Variants in RPS19BP1 observed in about 807,000 individuals in gnomAD.
RPS19BP1 encodes the protein active regulator of SIRT1.
A neutral mutation model predicts 16.6 loss-of-function variants in RPS19BP1; 14 were observed. The ratio of observed to expected loss-of-function variants is 0.84; its 90% CI spans 0.56 to 1.32. The LOEUF (loss-of-function observed/expected upper bound fraction) is 1.32, where lower values mean the gene tolerates loss of function less well. Among genes scored for constraint, RPS19BP1 ranks in the 40% most tolerant of loss-of-function variants. The pLI, the probability that RPS19BP1 is intolerant of heterozygous loss-of-function variation, is 0.00. For synonymous variants in RPS19BP1, 90 were observed against 77.3 expected (o/e 1.16, Z -0.86); for missense variants, 188 against 178.6 (o/e 1.05, Z -0.30).
At chr22:39,530,083 A>G in intron 2 of RPS19BP1, 166 bp from the exon 3 acceptor site, 1 of 625,810 alleles carries the variant, frequency 1.6e-6, no homozygotes, top group Non-Finnish European at 2.8e-6. Context: ...TCCTGCTGAA[A>G]GCCCCAGGCT....
Position 39,532,256 on chromosome 22 carries a change from A to G in RPS19BP1, c.181+139T>C, listed in dbSNP as rs73885251. On this transcript the variant is annotated intron_variant, in intron 2 of 3. Coordinates refer to ENST00000334678, the MANE Select transcript of RPS19BP1 (RefSeq NM_194326.4). ...CGTGTTCTGTCACCTTCGTATGTCC[A>G]GGGCCCCGCTCCGCGCCTGGCACAC... 6,786 of 1,240,218 alleles carry G rather than the reference A, an allele frequency of 5.5e-3. 255 individuals are homozygous for G. In the African/African-American group the frequency reaches 0.086, roughly 16 times the overall value. The allele number at this position is 1,240,218 out of a possible 1,614,324, so 76.8% of individuals were successfully genotyped here. A position where few individuals can be genotyped will look rare whatever the true frequency, so the allele number is the denominator to read the frequency against.
At position 39,529,446 on chromosome 22, in the gene RPS19BP1, G is replaced by A. The variant is rs943608264; in HGVS notation, c.*46C>T. The A allele has an allele frequency of 6.2e-7, 1 of 1,608,746 alleles. No individual in the cohort carries two copies. The highest frequency in any genetic ancestry group is 1.3e-5 in the African/African-American group (1 of 74,766). On this transcript the variant is annotated 3_prime_UTR_variant, in exon 4 of 4. Coordinates refer to ENST00000334678, the MANE Select transcript of RPS19BP1 (RefSeq NM_194326.4). ...CGGTTCCTGGAGCCAGCAGGAGTCG[G>A]AGGCTGCAGGGCTTGAAGGCCTCTT...
In RPS19BP1 at chr22:39,529,937, A is replaced by G. The variant is rs1205634583; in HGVS notation, c.182-20T>C. ...ACTCGTCTGTGGGTAGCAGGCAGGG[A>G]GCACCATTTCAGATTCACTCCCCCT... On this transcript the variant is annotated intron_variant, in intron 2 of 3. Coordinates refer to ENST00000334678, the MANE Select transcript of RPS19BP1 (RefSeq NM_194326.4). 6.2e-7 allele frequency: 1 copy of G among 1,601,134 alleles called. No homozygotes were observed. Among genetic ancestry groups the G allele is most frequent in the Admixed American group, 1.7e-5 (1 of 59,994 alleles).
intron 2 of RPS19BP1, chr22:39,531,717 C>T (rs1435996079): frequency 6.6e-6 from 1 of 152,382 alleles, no homozygotes; most frequent in Admixed American, 6.5e-5. Flanking sequence ...AGACACAATG[C>T]CCGGGCAGCC....
intron 2 of RPS19BP1, chr22:39,530,320 C>T: frequency 4.2e-6 from 1 of 235,760 alleles, no homozygotes; most frequent in Non-Finnish European, 8.5e-6. Context: ...ACTGAAATGA[C>T]TCGAAGAGAG....
rs776618788 is a variant in RPS19BP1 at position 39,529,444 on chromosome 22, C to A, written c.*48G>T. The A allele has an allele frequency of 7.3e-5, 118 of 1,607,556 alleles. No individual in the cohort carries two copies. Among genetic ancestry groups the A allele is most frequent in the Non-Finnish European group, 9.9e-5 (116 of 1,177,312 alleles). Reference sequence around the variant, plus strand: ...GCCGGTTCCTGGAGCCAGCAGGAGTCGGAGGCTGCAGGGCTTGAAGGCCTC... The same window carrying A: ...GCCGGTTCCTGGAGCCAGCAGGAGTAGGAGGCTGCAGGGCTTGAAGGCCTC... On this transcript the variant is annotated 3_prime_UTR_variant, in exon 4 of 4. Coordinates refer to ENST00000334678, the MANE Select transcript of RPS19BP1 (RefSeq NM_194326.4).
Position 39,532,693 on chromosome 22 carries a change from A to G in RPS19BP1, c.46T>C (p.Ser16Pro), listed in dbSNP as rs1034541611. 1.3e-6 allele frequency: 2 copies of G among 1,543,454 alleles called. No homozygotes were observed. The highest frequency in any genetic ancestry group is 3.9e-5 in the Admixed American group (2 of 51,212). The change falls in exon 1 of 4, where the codon TCC becomes CCC. Residue 16 changes from serine (S) to proline (P), a missense_variant. Ser to Pro is a moderately conservative substitution (Grantham distance 74, BLOSUM62 -1). Transcript: ENST00000334678. ...CCTGGCCAGCCCTCCTCACCCTCGGACGCCGCCAGCAGCTCCAGGCCCCGC... is the reference window on the plus strand; with the variant it reads ...CCTGGCCAGCCCTCCTCACCCTCGGGCGCCGCCAGCAGCTCCAGGCCCCGC... ...LRRGLELLAA[S>P]EAPRDPPGQA...
chr22:39,531,785 T>C (rs1428815339), intron 2 of RPS19BP1: 1 of 152,440 alleles, frequency 6.6e-6, no homozygotes, highest in African/African-American at 2.4e-5. Context: ...ACGGGGGTGA[T>C]AGTAGTATCG....
At position 39,529,916 on chromosome 22, in the gene RPS19BP1, G is replaced by A. The variant is rs781482234; in HGVS notation, c.183C>T (p.Asp61=). ...CTCGACACTCTCGCTTCCGGTACTCGTCTGTGGGTAGCAGGCAGGGAGCAC... is the reference window on the plus strand; with the variant it reads ...CTCGACACTCTCGCTTCCGGTACTCATCTGTGGGTAGCAGGCAGGGAGCAC... ...AKGKVPKSAL[D]EYRKRECRDH... is the part of the protein sequence containing the mutation. Residue 61 remains aspartate (D), a splice_region_variant and synonymous_variant, in exon 3 of 4, where the codon GAC becomes GAT. Transcript: ENST00000334678. The A allele has an allele frequency of 3.7e-6, 6 of 1,613,228 alleles. No homozygotes were observed. The South Asian group carries it at 5.5e-5, about 15-fold the overall frequency.
In RPS19BP1 at chr22:39,529,634, T is replaced by C. The variant is rs771103013; in HGVS notation, c.280-11A>G. The C allele has an allele frequency of 1.1e-5, 18 of 1,613,182 alleles. No homozygotes were observed. The highest frequency in any genetic ancestry group is 1.0e-5 in the Non-Finnish European group (12 of 1,179,916). On this transcript the variant is annotated splice_polypyrimidine_tract_variant and intron_variant, in intron 3 of 3. Transcript: ENST00000334678. ...GTTCTGGCGCAAAATCTGGCGAGGG[T>C]GCGGGACCGAGGGCCCATCATTTCA...
rs896447193 is a variant in RPS19BP1 at position 39,529,884 on chromosome 22, A to T, written c.215T>A (p.Leu72His). The T allele has an allele frequency of 1.2e-6, 2 of 1,614,144 alleles. No homozygotes were observed. Among genetic ancestry groups the T allele is most frequent in the Non-Finnish European group, 8.5e-7 (1 of 1,180,014 alleles). Reference protein sequence around the residue: ...EYRKRECRDHLRVNLKFLTRT... With the variant: ...EYRKRECRDHHRVNLKFLTRT... ...GGTCAGAAACTTCAGGTTTACTCTGAGGTGGTCTCGACACTCTCGCTTCCG... is the reference window on the plus strand; with the variant it reads ...GGTCAGAAACTTCAGGTTTACTCTGTGGTGGTCTCGACACTCTCGCTTCCG... The change falls in exon 3 of 4, where the codon CTC becomes CAC. Residue 72 changes from leucine (L) to histidine (H), a missense_variant. By Grantham distance (99) the Leu-to-His change is moderately conservative. Transcript: ENST00000334678.
At chr22:39,532,195 C>A (rs1931328871) in intron 2 of RPS19BP1, 200 bp downstream of exon 2, 2 of 635,024 alleles carry the variant, frequency 3.1e-6, no homozygotes, top group South Asian at 2.0e-5. Context: ...CTTCTCTCCC[C>A]ACTAGGGCCG....
intron 2 of RPS19BP1, 196 bp downstream of exon 2, chr22:39,532,199 A>T: frequency 1.5e-6 from 1 of 645,370 alleles, no homozygotes; most frequent in South Asian, 2.0e-5. Flanking sequence ...TCTCCCCACT[A>T]GGGCCGTAGT....
rs143571368 is a variant in RPS19BP1 at position 39,529,835 on chromosome 22, C to T, written c.264G>A (p.Glu88=). 843 of 1,614,200 alleles carry T rather than the reference C, an allele frequency of 5.2e-4. 7 individuals are homozygous for T. In the African/African-American group the frequency reaches 0.01, roughly 20 times the overall value. Residue 88 remains glutamate, a synonymous_variant, in exon 3 of 4, where the codon GAG becomes GAA. Coordinates refer to ENST00000334678, the MANE Select transcript of RPS19BP1 (RefSeq NM_194326.4). The part of the protein sequence containing the change: ...FLTRTRSTVA[E]SVSQQILRQN... ...CTCGACCAACCTGCTGGCTCACAGA[C>T]TCAGCCACGGTGCTTCTCGTCCTGG... is the stretch of plus-strand genomic sequence containing the variant.
In RPS19BP1 at chr22:39,529,588, G is replaced by A; in HGVS notation, c.315C>T (p.Asp105=). 9 of 1,614,178 alleles carry A rather than the reference G, an allele frequency of 5.6e-6. No individual in the cohort carries two copies. Among genetic ancestry groups the A allele is most frequent in the Non-Finnish European group, 7.6e-6 (9 of 1,180,022 alleles). ...LRQNRGRKAC[D]RPVAKTKKKK... is the part of the protein sequence containing the mutation. ...TCTTCTTGGTCTTGGCCACAGGCCG[G>A]TCACAGGCCTTGCGGCCCCGGTTCT... Residue 105 remains aspartate, a synonymous_variant, in exon 4 of 4, where the codon GAC becomes GAT. Coordinates refer to ENST00000334678, the MANE Select transcript of RPS19BP1 (RefSeq NM_194326.4).
chr22:39,530,009 C>CGTTCCCTTCCCAG, intron 2 of RPS19BP1, 92 bp from the exon 3 acceptor site: 1 of 1,007,614 alleles, frequency 9.9e-7, no homozygotes, highest in Non-Finnish European at 1.5e-6. Context: ...AAGACCTCAT[C>CGTTCCCTTCCCAG]GTTCCCTTCC....
Position 39,529,849 on chromosome 22 carries a change from T to G in RPS19BP1, c.250A>C (p.Ser84Arg). The G allele has an allele frequency of 6.2e-7, 1 of 1,614,230 alleles. No individual in the cohort carries two copies. Among genetic ancestry groups the G allele is most frequent in the Non-Finnish European group, 8.5e-7 (1 of 1,180,042 alleles). ...VNLKFLTRTR[S>R]TVAESVSQQI... ...TGGCTCACAGACTCAGCCACGGTGC[T>G]TCTCGTCCTGGTCAGAAACTTCAGG... is the stretch of plus-strand genomic sequence containing the variant. Residue 84 changes from serine (S) to arginine (R), a missense_variant, in exon 3 of 4, where the codon AGC (serine) becomes CGC (arginine). Ser to Arg is a moderately radical substitution (Grantham distance 110). Coordinates refer to ENST00000334678, the MANE Select transcript of RPS19BP1 (RefSeq NM_194326.4).
chr22:39,532,422 T>C lies in RPS19BP1; in HGVS notation c.154A>G (p.Lys52Glu), dbSNP rs751708950. 1.9e-6 allele frequency: 3 copies of C among 1,614,104 alleles called. No individual in the cohort carries two copies. Among genetic ancestry groups the C allele is most frequent in the Non-Finnish European group, 2.5e-6 (3 of 1,180,046 alleles). ...IQAQKLRNSA[K>E]GKVPKSALDE... is the part of the protein sequence containing the mutation. ...AGTGCCGACTTGGGCACCTTTCCCT[T>C]GGCCGAGTTCCGCAGTTTCTGGGCC... The change falls in exon 2 of 4, where the codon AAG becomes GAG. Residue 52 changes from lysine (K) to glutamate (E), a missense_variant. By Grantham distance (56) the Lys-to-Glu change is moderately conservative. Coordinates refer to ENST00000334678, the MANE Select transcript of RPS19BP1 (RefSeq NM_194326.4).
chr22:39,530,243 G>A, intron 2 of RPS19BP1: 1 of 319,694 alleles, frequency 3.1e-6, no homozygotes, highest in East Asian at 7.4e-5. Flanking sequence ...AACAAAAGAG[G>A]AAACAGAAAA....
Sources: allele counts gnomAD v4.1 joint callset, GRCh38; gene constraint gnomAD v4.1.1; transcripts MANE v1.5; gene names NCBI Gene and HGNC (gene_info 2026-07-23, HGNC 2026-07-21).